Variants in TEP1 observed in about 807,000 individuals in gnomAD.
TEP1 encodes the protein telomerase associated protein 1, also known as telomerase protein component 1.
Under a neutral mutation model 306.3 loss-of-function variants are expected in TEP1, and 241 were observed. That is an observed-to-expected ratio of 0.79 (90% confidence interval 0.71 to 0.88). The LOEUF (loss-of-function observed/expected upper bound fraction) is 0.88. Among genes scored for constraint, TEP1 ranks in the 40% least tolerant of loss-of-function variants. The pLI, the probability that TEP1 is intolerant of heterozygous loss-of-function variation, is 0.00. For missense variants in TEP1, 3,051 were observed against 3,276.1 expected (o/e 0.93, Z 1.68); for synonymous variants, 1,289 against 1,305.5 (o/e 0.99, Z 0.27).
At chr14:20,404,950 C>G (rs538103139) in intron 4 of TEP1, among the ~76,000 whole-genome samples, 178 bp from the exon 5 acceptor site, 1 of 152,334 alleles carries the variant, frequency 6.6e-6, no homozygotes, top group Admixed American at 6.5e-5. Context: ...ATACTCTATC[C>G]CTTACTCAAC....
intron 12 of TEP1, among the ~76,000 whole-genome samples, chr14:20,394,196 C>A (rs1470272194): frequency 1.3e-5 from 2 of 152,208 alleles, no homozygotes; most frequent in Non-Finnish European, 2.9e-5. Context: ...AGCACCTCAG[C>A]CTCCCAAGTA....
intron 12 of TEP1, among the ~76,000 whole-genome samples, chr14:20,395,008 G>T (rs918557612): frequency 1.3e-5 from 2 of 152,070 alleles, no homozygotes; most frequent in South Asian, 4.1e-4. Flanking sequence ...AACTATCTTT[G>T]TGTGTATTTC....
rs141172994 is a variant in TEP1, at chr14:20,386,466, C to T, written c.2842G>A (p.Glu948Lys). ...CCACACCTGTTCCTACGGGTCTCCTCCTCAGTGACGCCCCAGCGGAGGTCG... is the reference window on the plus strand; with the variant it reads ...CCACACCTGTTCCTACGGGTCTCCTTCTCAGTGACGCCCCAGCGGAGGTCG... Reference protein sequence around the residue: ...GIDLRWGVTEEETRRNRQLEV... With the variant: ...GIDLRWGVTEKETRRNRQLEV... Residue 948 changes from glutamate (E) to lysine (K), a missense_variant, in exon 19 of 55, where the codon GAG (glutamate) becomes AAG (lysine). Physicochemically the swap from Glu to Lys is moderately conservative, Grantham distance 56. Transcript: ENST00000262715. The T allele has an allele frequency of 1.2e-3, 1,998 of 1,607,844 alleles. 21 individuals carry two copies. The South Asian group carries it at 0.013, about 11-fold the overall frequency.
Position 20,373,294 on chromosome 14 carries a change from G to C in TEP1, c.6790C>G (p.Leu2264Val). The change falls in exon 47 of 55, where the codon CTC (leucine) becomes GTC (valine). Residue 2264 changes from leucine (L) to valine (V), a missense_variant. Leu to Val is a conservative substitution (Grantham distance 32). Transcript: ENST00000262715. ...CCTGCTTCCTTAGGAACCTGCCAGA[G>C]CCGTACAGAACCATCCTCAGAGGCG... ...LTASEDGSVR[L>V]WQVPKEADDT... 1.2e-6 allele frequency: 2 copies of C among 1,614,178 alleles called. No individual in the cohort carries two copies. The highest frequency in any genetic ancestry group is 1.7e-6 in the Non-Finnish European group (2 of 1,180,036).
rs1878704 is a variant in TEP1, at chr14:20,405,622, G to A, written c.736-37C>T. On this transcript the variant is annotated intron_variant, in intron 3 of 54. Transcript: ENST00000262715. ...GAAAGAGGGAAGAAATGAGAAGAGA[G>A]GTAACAAGGACCAACTTAAGCATCC... 5,638 of 1,605,612 alleles carry A rather than the reference G, an allele frequency of 3.5e-3. 185 individuals carry two copies. The Admixed American group carries it at 0.07, about 20-fold the overall frequency.
At chr14:20,376,597 T>G (rs1049504188) in intron 41 of TEP1, among the ~76,000 whole-genome samples, 8 of 152,190 alleles carry the variant, frequency 5.3e-5, no homozygotes, top group African/African-American at 1.9e-4. Context: ...CACTTCCACC[T>G]CGTGACCTGT....
In TEP1 at chr14:20,381,694, C is replaced by A; in HGVS notation, c.4425-8G>T. The A allele has an allele frequency of 1.3e-6, 2 of 1,592,734 alleles. No individual in the cohort carries two copies. Among genetic ancestry groups the A allele is most frequent in the Non-Finnish European group, 1.7e-6 (2 of 1,170,844 alleles). ...GGGCCCTCCCCTAGCAAACTGTCCT[C>A]GTGTGAGGAAGGGAGAGAGAAGAAG... On this transcript the variant is annotated splice_region_variant and splice_polypyrimidine_tract_variant and intron_variant, in intron 30 of 54. Coordinates refer to ENST00000262715, the MANE Select transcript of TEP1 (RefSeq NM_007110.5). The surrounding 1 kb of genome is among the most constrained non-coding windows in gnomAD (Gnocchi z 4.0).
rs1401607378 is a variant in TEP1 at position 20,374,492 on chromosome 14, C to T, written c.6408G>A (p.Glu2136=). The part of the protein sequence containing the change: ...SDGSVGLWDP[E]SGQRLGQFLG... Reference sequence around the variant, plus strand: ...GGAACTGACCAAGCCGCTGTCCTGACTCTGGGTCCCAGAGCCCCACAGAGC... The same window carrying T: ...GGAACTGACCAAGCCGCTGTCCTGATTCTGGGTCCCAGAGCCCCACAGAGC... Residue 2136 remains glutamate (E), a synonymous_variant, in exon 44 of 55, where the codon GAG becomes GAA. Transcript: ENST00000262715. 6.2e-7 allele frequency: 1 copy of T among 1,613,548 alleles called. No homozygotes were observed. Among genetic ancestry groups the T allele is most frequent in the African/African-American group, 1.3e-5 (1 of 74,906 alleles).
chr14:20,378,753 C>G lies in TEP1; in HGVS notation c.5352+1G>C, dbSNP rs577171319. 1 of 1,614,094 alleles carries G rather than the reference C, an allele frequency of 6.2e-7. No individual in the cohort carries two copies. Among genetic ancestry groups the G allele is most frequent in the Admixed American group, 1.7e-5 (1 of 60,024 alleles). ...TGACCACTGCAGACCCCAAGTCTTACCTTTAGGCATCCTCCCAAGCACACG... is the reference window on the plus strand; with the variant it reads ...TGACCACTGCAGACCCCAAGTCTTAGCTTTAGGCATCCTCCCAAGCACACG... On this transcript the variant is annotated splice_donor_variant, in intron 37 of 54. Transcript: ENST00000262715. LOFTEE classifies it high-confidence loss of function.
intron 54 of TEP1, 116 bp from the exon 55 acceptor site, chr14:20,368,675 T>A: frequency 6.5e-7 from 1 of 1,541,306 alleles, no homozygotes; most frequent in Non-Finnish European, 8.9e-7. Flanking sequence ...TGCAAGTGAT[T>A]GAAGAAAACA....
chr14:20,409,751 T>C (rs1183949997), intron 1 of TEP1, among the ~76,000 whole-genome samples: 1 of 152,046 alleles, frequency 6.6e-6, no homozygotes, highest in East Asian at 1.9e-4. Flanking sequence ...CCGGGCGCGG[T>C]GGCTCACGCC....
At chr14:20,400,784 G>A in intron 9 of TEP1, 200 bp downstream of exon 9, 1 of 612,612 alleles carries the variant, frequency 1.6e-6, no homozygotes, top group South Asian at 2.4e-5. Flanking sequence ...CTGGTATAAT[G>A]ATCTATGATG....
chr14:20,409,506 T>C (rs1392708108), intron 1 of TEP1, among the ~76,000 whole-genome samples: 2 of 152,206 alleles, frequency 1.3e-5, no homozygotes, highest in Non-Finnish European at 2.9e-5. Flanking sequence ...ACATCCCCAC[T>C]GGATGACTCA....
chr14:20,373,749 A>C lies in TEP1; in HGVS notation c.6533T>G (p.Val2178Gly). ...GTGAGCAGGGATGCTGGTCAGCTCC[A>C]CGCCTTGATGGTCCCACACTTTCAA... is the stretch of plus-strand genomic sequence containing the variant. ...GTLKVWDHQGVELTSIPAHSG... is the reference protein window; with the variant it reads ...GTLKVWDHQGGELTSIPAHSG... Residue 2178 changes from valine (V) to glycine (G), a missense_variant, in exon 45 of 55, where the codon GTG becomes GGG. Physicochemically the swap from Val to Gly is moderately radical, Grantham distance 109. Transcript: ENST00000262715. 6.2e-7 allele frequency: 1 copy of C among 1,614,176 alleles called. No homozygotes were observed. Among genetic ancestry groups the C allele is most frequent in the South Asian group, 1.1e-5 (1 of 91,082 alleles).
intron 7 of TEP1, among the ~76,000 whole-genome samples, chr14:20,402,857 C>A (rs532063206): frequency 6.6e-6 from 1 of 152,042 alleles, no homozygotes; most frequent in Non-Finnish European, 1.5e-5. Context: ...ACATGTCACC[C>A]GGCAGTAAAG....
At chr14:20,376,789 A>G (rs1885200321) in intron 41 of TEP1, among the ~76,000 whole-genome samples, 1 of 152,270 alleles carries the variant, frequency 6.6e-6, no homozygotes, top group African/African-American at 2.4e-5. Context: ...ATGAGTGGAA[A>G]CAGTCTAAAC....
chr14:20,381,814 A>G lies in TEP1; in HGVS notation c.4424+99T>C, dbSNP rs1876568031. On this transcript the variant is annotated intron_variant, in intron 30 of 54. Transcript: ENST00000262715. This position sits in a 1 kb window ranked among gnomAD's most constrained non-coding sequence, Gnocchi z 4.0. Reference sequence around the variant, plus strand: ...GAGCAGCTGGAGCAGTAGCTCATTCATGGTCTGGGAGCCAGTTGTTGAAGC... The same window carrying G: ...GAGCAGCTGGAGCAGTAGCTCATTCGTGGTCTGGGAGCCAGTTGTTGAAGC... 3.2e-6 allele frequency: 5 copies of G among 1,545,700 alleles called. No individual in the cohort carries two copies. The highest frequency in any genetic ancestry group is 3.5e-6 in the Non-Finnish European group (4 of 1,148,362).
chr14:20,398,029 A>G (rs1463261816), intron 9 of TEP1, among the ~76,000 whole-genome samples: 2 of 151,868 alleles, frequency 1.3e-5, no homozygotes, highest in African/African-American at 4.8e-5. Flanking sequence ...CTGGGATTAC[A>G]GGCGTGAGCC....
At chr14:20,393,315 G>T (rs1326057542) in intron 12 of TEP1, among the ~76,000 whole-genome samples, 1 of 151,920 alleles carries the variant, frequency 6.6e-6, no homozygotes, top group African/African-American at 2.4e-5. Flanking sequence ...TTTATTACTT[G>T]TGTGCATATT....
Sources: allele counts gnomAD v4.1 joint callset (sites outside exome capture counted in the v4.1 genomes callset), GRCh38; gene constraint gnomAD v4.1.1; non-coding constraint Gnocchi (gnomAD v3.1); transcripts MANE v1.5; gene names NCBI Gene and HGNC (gene_info 2026-07-23, HGNC 2026-07-21).